The following MYO5B variants were observed in gnomAD, a reference collection of about 807,000 sequenced individuals.
MYO5B encodes unconventional myosin-Vb.
Under a neutral mutation model 229.3 loss-of-function variants are expected in MYO5B, and 143 were observed. The ratio of observed to expected loss-of-function variants is 0.62; its 90% CI spans 0.54 to 0.72. The LOEUF is 0.72. Ranked by LOEUF, MYO5B falls within the 30% of genes least tolerant of loss-of-function variation. The probability of loss-of-function intolerance (pLI) is 0.00; values close to 1 mark genes in which losing one functional copy is unlikely to be tolerated. For missense variants in MYO5B, 2,321 were observed against 2,331.0 expected, an observed-to-expected ratio of 1.00 and a Z score of 0.09; for synonymous variants, 918 against 885.2, an observed-to-expected ratio of 1.04 and a Z score of -0.66.
intron 3 of MYO5B, 68 bp downstream of exon 3, chr18:50,040,075 G>T (rs75267630): frequency 0.015 from 22,800 of 1,516,920 alleles, 238 homozygotes; most frequent in Non-Finnish European, 0.019. Flanking sequence ...CTAAGCATTT[G>T]AGTTGAGCAA....
At chr18:50,000,426 C>T (rs1345391896) in intron 5 of MYO5B, among the ~76,000 whole-genome samples, 3 of 152,166 alleles carry the variant, frequency 2.0e-5, no homozygotes, top group African/African-American at 7.2e-5. Context: ...CCTGCTCCTA[C>T]CAACTGTAAC....
intron 33 of MYO5B, among the ~76,000 whole-genome samples, chr18:49,844,640 T>C (rs980370314): frequency 4.6e-5 from 7 of 152,220 alleles, no homozygotes; most frequent in African/African-American, 1.4e-4. Context: ...TGGTTGACAT[T>C]TGGCCATTTT....
At chr18:49,881,171 A>G (rs2144108910) in intron 22 of MYO5B, among the ~76,000 whole-genome samples, 1 of 152,250 alleles carries the variant, frequency 6.6e-6, no homozygotes, top group South Asian at 2.1e-4. Flanking sequence ...TCCAACAGGG[A>G]TTGGGTCCAC....
In MYO5B at chr18:49,823,732, C is replaced by T. The variant is rs1443483056; in HGVS notation, c.*2739G>A. On this transcript the variant is annotated 3_prime_UTR_variant, in exon 40 of 40. Coordinates refer to ENST00000285039, the MANE Select transcript of MYO5B (RefSeq NM_001080467.3). ...CCTACAGGTACTGGAACTCTAACTG[C>T]AACTATGAGGGCACAGGGAAAATGC... 6.6e-6 allele frequency: 1 copy of T among 152,196 alleles called. No individual in the cohort carries two copies. Among genetic ancestry groups the T allele is most frequent in the Non-Finnish European group, 1.5e-5 (1 of 68,044 alleles). 9.4% of individuals were successfully genotyped at this position (152,196 alleles called of 1,614,324 possible).
intron 25 of MYO5B, among the ~76,000 whole-genome samples, chr18:49,877,344 T>G (rs1398032084): frequency 6.6e-6 from 1 of 152,214 alleles, no homozygotes. Context: ...TTATCCAGCT[T>G]CTAAGTGAGG....
rs370520128 is a variant in MYO5B, at chr18:49,824,737, G to A, written c.*1734C>T. ...AATGAAGTCAGCACATGGATCCATG[G>A]GTAAGTGTCATGGACGTCAGTGATT... On this transcript the variant is annotated 3_prime_UTR_variant, in exon 40 of 40. Transcript: ENST00000285039. The A allele has an allele frequency of 6.6e-6, 1 of 151,574 alleles. No homozygotes were observed. The allele number at this position is 151,574 out of a possible 1,614,324, so 9.4% of individuals were successfully genotyped here.
chr18:50,060,202 C>G (rs1420735833), intron 1 of MYO5B, among the ~76,000 whole-genome samples: 1 of 152,216 alleles, frequency 6.6e-6, no homozygotes, highest in Admixed American at 6.5e-5. Flanking sequence ...CACACACACA[C>G]TGTTCTGGTT....
chr18:49,887,532 A>G (rs1432489507), intron 22 of MYO5B, among the ~76,000 whole-genome samples: 1 of 152,116 alleles, frequency 6.6e-6, no homozygotes, highest in Non-Finnish European at 1.5e-5. Context: ...CACTATCGCC[A>G]TGTGATGCCT....
Position 50,195,130 on chromosome 18 carries a change from G to C in MYO5B, c.-337C>G, listed in dbSNP as rs1458107528. 2 of 201,440 alleles carry C rather than the reference G, an allele frequency of 9.9e-6. No individual in the cohort carries two copies. Among genetic ancestry groups the C allele is most frequent in the Admixed American group, 6.1e-5 (1 of 16,432 alleles). The allele number at this position is 201,440 out of a possible 1,614,324, so 12.5% of individuals were successfully genotyped here. ...CCGCTCGCGTCAGAGCGGACGGCCC[G>C]TGCGCCGCCGCGCCTCTGAGCCCTG... On this transcript the variant is annotated 5_prime_UTR_variant, in exon 1 of 40. Transcript: ENST00000285039.
rs150421202 is a variant in MYO5B, at chr18:50,017,552, A to G, written c.456-16141T>C. ...TATATTTTAATTTTTTAGCTGATAG[A>G]CATTTGGGTTGTTTTCACTTTTTGA... On this transcript the variant is annotated intron_variant, in intron 4 of 39. Coordinates refer to ENST00000285039, the MANE Select transcript of MYO5B (RefSeq NM_001080467.3). Among the ~76,000 whole-genome samples, 15 of 152,360 alleles carry G rather than the reference A, an allele frequency of 9.8e-5. No individual in the cohort carries two copies. The East Asian group carries it at 2.9e-3, about 29-fold the overall frequency.
intron 1 of MYO5B, among the ~76,000 whole-genome samples, chr18:50,097,957 C>T (rs1031854881): frequency 3.9e-5 from 6 of 152,154 alleles, no homozygotes; most frequent in Admixed American, 3.9e-4. Context: ...ATGCTCTACC[C>T]TAAACAAAGA....
intron 1 of MYO5B, among the ~76,000 whole-genome samples, chr18:50,108,189 T>C (rs964073274): frequency 5.3e-5 from 8 of 152,230 alleles, no homozygotes; most frequent in Non-Finnish European, 1.0e-4. Context: ...ATTACAGGCA[T>C]GAGCCATCAT....
chr18:50,186,695 C>A (rs193126689), intron 1 of MYO5B, among the ~76,000 whole-genome samples: 18 of 152,328 alleles, frequency 1.2e-4, no homozygotes, highest in Admixed American at 4.6e-4. Context: ...CAGTTGCCAA[C>A]ACTATGTTAG....
intron 14 of MYO5B, among the ~76,000 whole-genome samples, chr18:49,949,530 C>T (rs1352006754): frequency 6.6e-6 from 1 of 152,166 alleles, no homozygotes; most frequent in African/African-American, 2.4e-5. Flanking sequence ...CATTAACACC[C>T]TGTTATTTCA....
intron 1 of MYO5B, among the ~76,000 whole-genome samples, chr18:50,149,488 T>C (rs2032560122): frequency 6.6e-6 from 1 of 152,062 alleles, no homozygotes; most frequent in African/African-American, 2.4e-5. Flanking sequence ...AAAAGAGAGA[T>C]ATAGATCAAT....
At chr18:50,135,486 G>A (rs573244599) in intron 1 of MYO5B, among the ~76,000 whole-genome samples, 1 of 152,254 alleles carries the variant, frequency 6.6e-6, no homozygotes, top group East Asian at 1.9e-4. Flanking sequence ...GTATGTACAC[G>A]CACACACCTT....
intron 1 of MYO5B, among the ~76,000 whole-genome samples, chr18:50,194,548 G>C (rs2033273046): frequency 6.6e-6 from 1 of 152,194 alleles, no homozygotes; most frequent in African/African-American, 2.4e-5. Flanking sequence ...ACCTCTAGGA[G>C]CCGGGTGGCC....
At chr18:50,093,232 G>GCA (rs141376064) in intron 1 of MYO5B, among the ~76,000 whole-genome samples, 24 of 143,022 alleles carry the variant, frequency 1.7e-4, no homozygotes, top group African/African-American at 4.9e-4. Context: ...ACACAGAGAG[G>GCA]CACACACACA....
At chr18:50,011,484 G>A (rs755696888) in intron 4 of MYO5B, among the ~76,000 whole-genome samples, 1 of 152,072 alleles carries the variant, frequency 6.6e-6, no homozygotes, top group Non-Finnish European at 1.5e-5. Flanking sequence ...ACAACTACAC[G>A]CGGAAGGTGC....
Sources: gnomAD v4.1 joint callset for allele counts (sites outside exome capture counted in the v4.1 genomes callset) on GRCh38, gnomAD v4.1.1 for gene constraint, MANE v1.5 for transcripts, NCBI Gene and HGNC (gene_info 2026-07-23, HGNC 2026-07-21) for gene names.